The following CSMD1 variants were observed in gnomAD, a reference collection of about 807,000 sequenced individuals.
CSMD1 encodes CUB and sushi domain-containing protein 1.
CSMD1 carries 213 observed loss-of-function variants against 417.5 expected under a neutral mutation model. The ratio of observed to expected loss-of-function variants is 0.51; its 90% CI spans 0.46 to 0.57. The LOEUF is 0.57. Ranked by LOEUF, CSMD1 falls within the 20% of genes least tolerant of loss-of-function variation. The probability of loss-of-function intolerance (pLI) is 0.00; values close to 1 mark genes in which losing one functional copy is unlikely to be tolerated. For synonymous variants in CSMD1, 2,862 were observed against 1,736.8 expected (o/e 1.65, Z -16.11); for missense variants, 6,923 against 4,529.7 (o/e 1.53, Z -15.17).
intron 10 of CSMD1, among the ~76,000 whole-genome samples, chr8:3,509,109 G>A (rs560079451): frequency 2.0e-5 from 3 of 152,146 alleles, no homozygotes; most frequent in South Asian, 4.1e-4. Context: ...TGCGTGCTCA[G>A]TAGGATTCTT....
chr8:3,008,340 C>A (rs956973296), intron 52 of CSMD1, among the ~76,000 whole-genome samples: 2 of 152,190 alleles, frequency 1.3e-5, no homozygotes, highest in Non-Finnish European at 2.9e-5. Context: ...GGGAAAACCA[C>A]TCACTCCATT....
chr8:3,654,752 G>C (rs1325748366), intron 7 of CSMD1, among the ~76,000 whole-genome samples: 3 of 152,202 alleles, frequency 2.0e-5, no homozygotes, highest in Non-Finnish European at 2.9e-5. Context: ...TCCAGGGCTT[G>C]AGCTGAACGG....
At chr8:4,720,376 T>A (rs1159877292) in intron 1 of CSMD1, among the ~76,000 whole-genome samples, 1 of 152,112 alleles carries the variant, frequency 6.6e-6, no homozygotes, top group African/African-American at 2.4e-5. Context: ...TATGACAAAC[T>A]ATATTAAATG....
intron 10 of CSMD1, among the ~76,000 whole-genome samples, chr8:3,524,588 C>T (rs913613159): frequency 6.6e-6 from 1 of 151,526 alleles, no homozygotes; most frequent in African/African-American, 2.4e-5. Context: ...TATGCACACA[C>T]AAGGACACAC....
chr8:3,291,747 A>C (rs868663892), intron 25 of CSMD1, among the ~76,000 whole-genome samples: 1 of 151,990 alleles, frequency 6.6e-6, no homozygotes, highest in Non-Finnish European at 1.5e-5. Context: ...CTAGTGGTTT[A>C]TCAGTTTTGT....
intron 1 of CSMD1, among the ~76,000 whole-genome samples, chr8:4,786,753 C>T (rs775249890): frequency 6.6e-6 from 1 of 151,692 alleles, no homozygotes; most frequent in African/African-American, 2.4e-5. Context: ...TTTTTCTTAA[C>T]ACATGTTTCT....
At chr8:4,959,353 A>G (rs187279051) in intron 1 of CSMD1, among the ~76,000 whole-genome samples, 14 of 152,300 alleles carry the variant, frequency 9.2e-5, no homozygotes, top group Admixed American at 7.8e-4. Flanking sequence ...TGTTCCCCGC[A>G]TGTCAGGTGG....
At chr8:4,268,949 T>A (rs1169419833) in intron 3 of CSMD1, among the ~76,000 whole-genome samples, 8 of 152,376 alleles carry the variant, frequency 5.3e-5, no homozygotes, top group East Asian at 3.9e-4. Context: ...ACTTTCTCAT[T>A]CTGCTGTATC....
At chr8:4,077,542 C>T (rs997373590) in intron 3 of CSMD1, among the ~76,000 whole-genome samples, 2 of 151,954 alleles carry the variant, frequency 1.3e-5, no homozygotes, top group East Asian at 1.9e-4. Context: ...TCACTCTGGT[C>T]AAAACAACAC....
intron 2 of CSMD1, among the ~76,000 whole-genome samples, chr8:4,420,749 C>T (rs954048078): frequency 6.6e-6 from 1 of 152,032 alleles, no homozygotes; most frequent in African/African-American, 2.4e-5. Context: ...GAGGGCAAAC[C>T]AATGCTGACA....
At chr8:4,693,821 T>A (rs1161600098) in intron 1 of CSMD1, among the ~76,000 whole-genome samples, 1 of 152,248 alleles carries the variant, frequency 6.6e-6, no homozygotes, top group African/African-American at 2.4e-5. Context: ...GGACCACAGG[T>A]GTGCACCTCC....
intron 49 of CSMD1, among the ~76,000 whole-genome samples, chr8:3,053,474 G>A (rs1455736656): frequency 1.3e-5 from 2 of 151,904 alleles, no homozygotes; most frequent in African/African-American, 4.8e-5. Flanking sequence ...TTTCCCTAAA[G>A]CCCCAGGAAG....
chr8:3,911,104 G>A (rs372883042), intron 5 of CSMD1, among the ~76,000 whole-genome samples: 22 of 152,256 alleles, frequency 1.4e-4, no homozygotes, highest in Non-Finnish European at 3.1e-4. Flanking sequence ...CTTGGCAGCT[G>A]TGGTTTACTG....
intron 23 of CSMD1, among the ~76,000 whole-genome samples, chr8:3,317,152 A>T (rs538503676): frequency 6.6e-6 from 1 of 152,190 alleles, no homozygotes; most frequent in Admixed American, 6.5e-5. Context: ...GGAAGAGGAG[A>T]ATCATCAGCA....
At chr8:4,234,589 GA>G (rs1323333811) in intron 3 of CSMD1, among the ~76,000 whole-genome samples, 1 of 152,054 alleles carries the variant, frequency 6.6e-6, no homozygotes, top group Non-Finnish European at 1.5e-5. Context: ...TTTTTTAATT[GA>G]GTGTTTGTAT....
chr8:4,276,781 A>G (rs575600806), intron 3 of CSMD1, among the ~76,000 whole-genome samples: 2 of 152,298 alleles, frequency 1.3e-5, no homozygotes, highest in Non-Finnish European at 2.9e-5. Context: ...CCCTCAGGGG[A>G]AAGAAAAATA....
intron 1 of CSMD1, among the ~76,000 whole-genome samples, chr8:4,732,938 G>C (rs947403512): frequency 6.6e-6 from 1 of 152,052 alleles, no homozygotes; most frequent in Non-Finnish European, 1.5e-5. Flanking sequence ...GAGGCAGCAA[G>C]GGCGGAGAAG....
At chr8:4,856,070 C>A (rs527356920) in intron 1 of CSMD1, among the ~76,000 whole-genome samples, 12 of 152,312 alleles carry the variant, frequency 7.9e-5, no homozygotes, top group African/African-American at 2.6e-4. Flanking sequence ...GATCTCTCGA[C>A]AGAAACCCTG....
In CSMD1 at chr8:4,035,990, T is replaced by C. The variant is rs145377810; in HGVS notation, c.416-3891A>G. On this transcript the variant is annotated intron_variant, in intron 3 of 69. Coordinates refer to ENST00000635120, the MANE Select transcript of CSMD1 (RefSeq NM_033225.6). ...GAGAGTGTAACACTTTTTTTTATTT[T>C]TAATGCTGTTTTATTACTGTACCTT... 2.4e-3 allele frequency among the ~76,000 whole-genome samples: 371 copies of C among 152,290 alleles called. 3 individuals are homozygous for C. Among genetic ancestry groups the C allele is most frequent in the African/African-American group, 8.7e-3 (360 of 41,552 alleles).
Sources: allele counts gnomAD v4.1 joint callset (sites outside exome capture counted in the v4.1 genomes callset), GRCh38; gene constraint gnomAD v4.1.1; transcripts MANE v1.5; gene names NCBI Gene and HGNC (gene_info 2026-07-23, HGNC 2026-07-21).